Variants in SLC4A4 observed in about 807,000 individuals in gnomAD.
SLC4A4 encodes electrogenic sodium bicarbonate cotransporter 1.
SLC4A4 carries 27 observed loss-of-function variants against 111.5 expected under a neutral mutation model. That is an observed-to-expected ratio of 0.24 (90% CI 0.18 to 0.33). The LOEUF (loss-of-function observed/expected upper bound fraction) is 0.33. Ranked by LOEUF, SLC4A4 falls within the 10% of genes least tolerant of loss-of-function variation. SLC4A4 has a pLI of 1.00. For missense variants in SLC4A4, 909 were observed against 1,315.5 expected (o/e 0.69, Z 4.78); for synonymous variants, 443 against 463.4 (o/e 0.96, Z 0.57).
chr4:71,466,543 C>A lies in SLC4A4; in HGVS notation c.1597C>A (p.Leu533Ile). ...TATTCTGAGCAGCACCGGACCTGTC[C>A]TAGTTTTTGAGAGGCTTCTATTTAA... Reference protein sequence around the residue: ...LTILSSTGPVLVFERLLFNFS... With the variant: ...LTILSSTGPVIVFERLLFNFS... The change falls in exon 13 of 26, where the codon CTA becomes ATA. Residue 533 changes from leucine (L) to isoleucine (I), a missense_variant. Physicochemically the swap from Leu to Ile is conservative, Grantham distance 5. Around this residue, in one of 7 missense-constraint regions of SLC4A4, gnomAD observed 23 missense variants for 77.7 expected, o/e 0.30. Transcript: ENST00000264485. The A allele has an allele frequency of 6.2e-7, 1 of 1,613,526 alleles. No homozygotes were observed. The highest frequency in any genetic ancestry group is 8.5e-7 in the Non-Finnish European group (1 of 1,179,678).
intron 3 of SLC4A4, among the ~76,000 whole-genome samples, chr4:71,290,548 C>T (rs1268667007): frequency 6.6e-6 from 1 of 152,134 alleles, no homozygotes; most frequent in Non-Finnish European, 1.5e-5. Flanking sequence ...AGTTTCAGTG[C>T]AAAAGTGCAT....
chr4:71,347,696 G>GT (rs1553895328), intron 4 of SLC4A4, among the ~76,000 whole-genome samples: 1 of 151,576 alleles, frequency 6.6e-6, no homozygotes, highest in Non-Finnish European at 1.5e-5. Context: ...GTGAGGCTTA[G>GT]TTTTTTTTTA....
intron 1 of SLC4A4, among the ~76,000 whole-genome samples, chr4:71,227,211 AGAT>A (rs1227871550): frequency 6.6e-6 from 1 of 152,152 alleles, no homozygotes; most frequent in Non-Finnish European, 1.5e-5. Context: ...GGGTTAACTA[AGAT>A]GATATATTAA....
At chr4:71,392,674 G>A (rs990632739) in intron 6 of SLC4A4, among the ~76,000 whole-genome samples, 9 of 151,956 alleles carry the variant, frequency 5.9e-5, no homozygotes, top group East Asian at 1.9e-4. Context: ...TGAAGCCAGC[G>A]TCACCCTAAT....
At chr4:71,385,868 A>G (rs964758537) in intron 6 of SLC4A4, among the ~76,000 whole-genome samples, 2 of 152,134 alleles carry the variant, frequency 1.3e-5, no homozygotes, top group Non-Finnish European at 2.9e-5. Context: ...ATCACTGCAC[A>G]GTGGACATTC....
At chr4:71,547,092 G>A (rs1298942175) in intron 19 of SLC4A4, among the ~76,000 whole-genome samples, 1 of 151,954 alleles carries the variant, frequency 6.6e-6, no homozygotes, top group African/African-American at 2.4e-5. Flanking sequence ...GTTTCCCACG[G>A]CAAAACAGTG....
chr4:71,472,129 T>C (rs1727929147), intron 13 of SLC4A4, among the ~76,000 whole-genome samples: 1 of 151,974 alleles, frequency 6.6e-6, no homozygotes, highest in East Asian at 1.9e-4. Context: ...GTCCAGAAAG[T>C]TTCTACTACT....
chr4:71,563,925 T>A (rs554997259), intron 24 of SLC4A4, 36 bp downstream of exon 24: 2 of 1,320,122 alleles, frequency 1.5e-6, no homozygotes, highest in East Asian at 4.6e-5. Flanking sequence ...CTTGCTTGAA[T>A]ATGATTTGCA....
intron 18 of SLC4A4, among the ~76,000 whole-genome samples, chr4:71,542,096 G>T (rs1372327724): frequency 6.6e-6 from 1 of 152,004 alleles, no homozygotes. Flanking sequence ...CAATAGTTTG[G>T]GGCAACATGA....
intron 13 of SLC4A4, 44 bp from the exon 14 acceptor site, chr4:71,472,655 T>C (rs779955461): frequency 1.9e-6 from 3 of 1,589,988 alleles, no homozygotes; most frequent in Non-Finnish European, 2.6e-6. Context: ...ATTCTTTGTG[T>C]TCCAAGGAGG....
At chr4:71,320,959 A>T (rs1727071886) in intron 3 of SLC4A4, among the ~76,000 whole-genome samples, 1 of 152,078 alleles carries the variant, frequency 6.6e-6, no homozygotes, top group Non-Finnish European at 1.5e-5. Flanking sequence ...TTATCTCTAG[A>T]TGCCTTGAAG....
intron 6 of SLC4A4, among the ~76,000 whole-genome samples, chr4:71,361,283 A>G (rs1283626930): frequency 1.3e-5 from 2 of 152,132 alleles, no homozygotes; most frequent in Non-Finnish European, 2.9e-5. Context: ...CCAGCACACT[A>G]CTGTCTTTAT....
chr4:71,355,489 A>G (rs1342094573), intron 5 of SLC4A4, among the ~76,000 whole-genome samples: 2 of 152,210 alleles, frequency 1.3e-5, no homozygotes, highest in Non-Finnish European at 2.9e-5. Context: ...ACTCAGAGCT[A>G]AAAACCACTC....
intron 1 of SLC4A4, among the ~76,000 whole-genome samples, chr4:71,231,812 C>A (rs1719444872): frequency 1.3e-5 from 2 of 152,142 alleles, no homozygotes; most frequent in African/African-American, 4.8e-5. Context: ...TGATTAAGGA[C>A]TGGATGAGTT....
chr4:71,176,965 C>G (rs1013690592), intron 2 of SLC4A4, among the ~76,000 whole-genome samples: 3 of 152,216 alleles, frequency 2.0e-5, no homozygotes, highest in African/African-American at 7.2e-5. Context: ...GCCCATCAGA[C>G]TAACAGCTGA....
At chr4:71,354,129 A>T (rs1156436848) in intron 5 of SLC4A4, among the ~76,000 whole-genome samples, 1 of 152,196 alleles carries the variant, frequency 6.6e-6, no homozygotes, top group Non-Finnish European at 1.5e-5. Context: ...TTCTACGTTT[A>T]AAGAGTGTCA....
intron 12 of SLC4A4, among the ~76,000 whole-genome samples, chr4:71,454,258 G>A (rs539909180): frequency 6.6e-6 from 1 of 152,266 alleles, no homozygotes; most frequent in South Asian, 2.1e-4. Flanking sequence ...CAATTAGTTG[G>A]TTACTTCTCA....
At chr4:71,163,795 A>G (rs2148978566) in intron 2 of SLC4A4, among the ~76,000 whole-genome samples, 1 of 152,356 alleles carries the variant, frequency 6.6e-6, no homozygotes, top group Admixed American at 6.5e-5. Context: ...TAGTTGAGAC[A>G]AAGAATGTAT....
intron 7 of SLC4A4, among the ~76,000 whole-genome samples, chr4:71,428,149 T>C (rs563187161): frequency 5.3e-5 from 8 of 152,154 alleles, no homozygotes; most frequent in Non-Finnish European, 1.0e-4. Context: ...TCTTTCTACC[T>C]TAAGAGTTAA....
Sources: gnomAD v4.1 joint callset for allele counts (sites outside exome capture counted in the v4.1 genomes callset) on GRCh38, gnomAD v4.1.1 for gene constraint, gnomAD v4.1.1 regional missense constraint, MANE v1.5 for transcripts, NCBI Gene and HGNC (gene_info 2026-07-23, HGNC 2026-07-21) for gene names.